The following CACNA2D3 variants were observed in gnomAD, a reference collection of about 807,000 sequenced individuals.
CACNA2D3 encodes the protein calcium voltage-gated channel auxiliary subunit alpha2delta 3.
A neutral mutation model predicts 160.6 loss-of-function variants in CACNA2D3; 60 were observed. The observed-to-expected ratio is 0.37, with a 90% CI of 0.30 to 0.46. The LOEUF is 0.46. Ranked by LOEUF, CACNA2D3 falls within the 20% of genes least tolerant of loss-of-function variation. CACNA2D3 has a pLI of 1.00. For missense variants in CACNA2D3, 1,205 were observed against 1,365.0 expected, an observed-to-expected ratio of 0.88 and a Z score of 1.85; for synonymous variants, 558 against 492.9, an observed-to-expected ratio of 1.13 and a Z score of -1.75.
intron 11 of CACNA2D3, among the ~76,000 whole-genome samples, chr3:54,652,155 G>T (rs1011963903): frequency 6.6e-6 from 1 of 151,724 alleles, no homozygotes; most frequent in South Asian, 2.1e-4. Flanking sequence ...CCACACGACC[G>T]TCACTCTGGC....
In CACNA2D3 at chr3:54,190,817, C is replaced by G. The variant is rs1229491131; in HGVS notation, c.204+67223C>G. Among the ~76,000 whole-genome samples, 5 of 152,124 alleles carry G rather than the reference C, an allele frequency of 3.3e-5. No homozygotes were observed. In the East Asian group the frequency reaches 9.6e-4, roughly 29 times the overall value. On this transcript the variant is annotated intron_variant, in intron 2 of 37. Transcript: ENST00000474759. ...TAGACAGAACACAGGGTGTTGGGGT[C>G]TGTAGAGCTGAATTCTAATTCTGAC... is the stretch of plus-strand genomic sequence containing the variant.
At chr3:54,328,543 A>G (rs1028646918) in intron 3 of CACNA2D3, among the ~76,000 whole-genome samples, 2 of 152,116 alleles carry the variant, frequency 1.3e-5, no homozygotes, top group African/African-American at 4.8e-5. Context: ...CGGCCTCCCA[A>G]AGTACTGGGA....
chr3:55,015,643 A>G lies in CACNA2D3; in HGVS notation c.2876-2563A>G, dbSNP rs1160838574. Among the ~76,000 whole-genome samples, 5 of 152,376 alleles carry G rather than the reference A, an allele frequency of 3.3e-5. 1 individual carries two copies. The East Asian group carries it at 9.6e-4, about 29-fold the overall frequency. On this transcript the variant is annotated intron_variant, in intron 34 of 37. Coordinates refer to ENST00000474759, the MANE Select transcript of CACNA2D3 (RefSeq NM_018398.3). ...AAGAAAGTTTTATAAACTGAAAACC[A>G]GAATGACTTGCCATACAGAGAAATC... is the stretch of plus-strand genomic sequence containing the variant.
At chr3:54,488,947 G>C (rs990678188) in intron 4 of CACNA2D3, among the ~76,000 whole-genome samples, 4 of 152,154 alleles carry the variant, frequency 2.6e-5, no homozygotes, top group Non-Finnish European at 5.9e-5. Flanking sequence ...AATCCAAGGA[G>C]GAACCAGGAT....
chr3:54,992,214 C>G (rs1437613335), intron 31 of CACNA2D3, among the ~76,000 whole-genome samples: 1 of 152,194 alleles, frequency 6.6e-6, no homozygotes, highest in Non-Finnish European at 1.5e-5. Context: ...AGCATCAAGA[C>G]ACGAGGTTAA....
chr3:54,388,953 A>G (rs751948959), intron 4 of CACNA2D3, among the ~76,000 whole-genome samples: 13 of 152,240 alleles, frequency 8.5e-5, no homozygotes, highest in Non-Finnish European at 1.6e-4. Flanking sequence ...GTAACAATGA[A>G]TAAAATAAGA....
intron 12 of CACNA2D3, among the ~76,000 whole-genome samples, chr3:54,754,561 C>G (rs1269576662): frequency 6.6e-6 from 1 of 152,172 alleles, no homozygotes; most frequent in East Asian, 1.9e-4. Flanking sequence ...CAGCCTTTGA[C>G]TCTTATTTCA....
intron 9 of CACNA2D3, among the ~76,000 whole-genome samples, chr3:54,586,533 A>G (rs747759816): frequency 5.9e-5 from 9 of 152,170 alleles, no homozygotes; most frequent in Non-Finnish European, 8.8e-5. Flanking sequence ...CAAAGCAGAA[A>G]CTGTTAGAGC....
At chr3:54,913,215 T>C (rs1312639274) in intron 27 of CACNA2D3, among the ~76,000 whole-genome samples, 1 of 152,180 alleles carries the variant, frequency 6.6e-6, no homozygotes, top group East Asian at 1.9e-4. Context: ...CCTGTGTAGC[T>C]GGGATCATAG....
chr3:54,885,724 T>G (rs1277852380), intron 23 of CACNA2D3, 138 bp downstream of exon 23: 2 of 654,152 alleles, frequency 3.1e-6, no homozygotes. Context: ...TAATCAAATA[T>G]CTGCTTCCTG....
chr3:54,948,119 G>T (rs1701660678), intron 27 of CACNA2D3, among the ~76,000 whole-genome samples: 1 of 152,140 alleles, frequency 6.6e-6, no homozygotes, highest in South Asian at 2.1e-4. Context: ...ACCTTCCTAT[G>T]ACCTCAAATT....
chr3:54,248,768 C>G (rs750639728), intron 2 of CACNA2D3, among the ~76,000 whole-genome samples: 2 of 152,068 alleles, frequency 1.3e-5, no homozygotes, highest in Non-Finnish European at 2.9e-5. Context: ...TTATGGCAGA[C>G]CTAACTGATT....
chr3:54,579,889 T>C (rs1291725686), intron 8 of CACNA2D3, among the ~76,000 whole-genome samples: 1 of 152,244 alleles, frequency 6.6e-6, no homozygotes, highest in Non-Finnish European at 1.5e-5. Flanking sequence ...TTAGAAGATA[T>C]TTAAGCCCTC....
intron 4 of CACNA2D3, 59 bp downstream of exon 4, chr3:54,386,833 C>A: frequency 1.4e-6 from 2 of 1,404,672 alleles, no homozygotes; most frequent in Non-Finnish European, 2.0e-6. Flanking sequence ...AGGACAAGTA[C>A]CAGGTATACC....
chr3:55,070,483 A>G (rs1460686872), intron 35 of CACNA2D3, among the ~76,000 whole-genome samples: 2 of 152,156 alleles, frequency 1.3e-5, no homozygotes, highest in African/African-American at 4.8e-5. Context: ...ACCTCCAGGA[A>G]GGGCTAGTAG....
intron 4 of CACNA2D3, among the ~76,000 whole-genome samples, chr3:54,436,890 A>G (rs1021079253): frequency 4.6e-5 from 7 of 152,310 alleles, no homozygotes; most frequent in African/African-American, 1.7e-4. Context: ...GCACATGTAT[A>G]CCTATGAAAG....
chr3:54,434,028 A>C (rs948909252), intron 4 of CACNA2D3, among the ~76,000 whole-genome samples: 1 of 152,206 alleles, frequency 6.6e-6, no homozygotes, highest in African/African-American at 2.4e-5. Context: ...TGGAAGCAGC[A>C]GCGCTCCGGT....
At chr3:54,351,116 G>C (rs976468125) in intron 3 of CACNA2D3, among the ~76,000 whole-genome samples, 2 of 151,034 alleles carry the variant, frequency 1.3e-5, no homozygotes, top group Non-Finnish European at 3.0e-5. Context: ...CAAGTAGCTG[G>C]GATTACAGGT....
At chr3:54,858,728 A>T (rs1316881542) in intron 17 of CACNA2D3, among the ~76,000 whole-genome samples, 1 of 152,166 alleles carries the variant, frequency 6.6e-6, no homozygotes, top group African/African-American at 2.4e-5. Context: ...GAGATAACCT[A>T]GCCTTACCCT....
Sources: allele counts gnomAD v4.1 joint callset (sites outside exome capture counted in the v4.1 genomes callset), GRCh38; gene constraint gnomAD v4.1.1; transcripts MANE v1.5; gene names NCBI Gene and HGNC (gene_info 2026-07-23, HGNC 2026-07-21).